The following NEBL variants were observed in gnomAD, a reference collection of about 807,000 sequenced individuals.
The protein encoded by NEBL is LIM and SH3 protein 2.
NEBL carries 122 observed loss-of-function variants against 140.2 expected under a neutral mutation model. The ratio of observed to expected loss-of-function variants is 0.87; its 90% CI spans 0.75 to 1.01. The LOEUF is 1.01. Among genes scored for constraint, NEBL ranks in the 50% least tolerant of loss-of-function variants. The pLI is 0.00. For synonymous variants in NEBL, 436 were observed against 398.9 expected (o/e 1.09, Z -1.11); for missense variants, 1,365 against 1,231.3 (o/e 1.11, Z -1.62).
At chr10:21,104,409 A>C (rs918751238) in intron 2 of NEBL, among the ~76,000 whole-genome samples, 1 of 152,172 alleles carries the variant, frequency 6.6e-6, no homozygotes, top group Non-Finnish European at 1.5e-5. Flanking sequence ...TAATTTTTCC[A>C]GCAACATTTT....
intron 2 of NEBL, among the ~76,000 whole-genome samples, chr10:21,155,231 T>C (rs1840295237): frequency 6.6e-6 from 1 of 152,194 alleles, no homozygotes; most frequent in Admixed American, 6.5e-5. Context: ...AATCACATCA[T>C]GGAAAATGGG....
intron 26 of NEBL, among the ~76,000 whole-genome samples, chr10:20,789,740 C>T (rs542010475): frequency 6.1e-4 from 92 of 152,018 alleles, no homozygotes; most frequent in Non-Finnish European, 1.1e-3. Flanking sequence ...GTGATCCCAC[C>T]TACTTGGAAG....
intron 2 of NEBL, among the ~76,000 whole-genome samples, chr10:21,021,236 ATTT>A (rs1838778264): frequency 1.3e-5 from 2 of 152,106 alleles, no homozygotes; most frequent in African/African-American, 4.8e-5. Flanking sequence ...TCTTGACTCC[ATTT>A]TTTAATTGTC....
chr10:21,036,667 C>A (rs1834027945), intron 2 of NEBL, among the ~76,000 whole-genome samples: 1 of 151,978 alleles, frequency 6.6e-6, no homozygotes. Flanking sequence ...CTACTCAGGT[C>A]CTTTGCACCC....
chr10:20,814,039 T>A lies in NEBL; in HGVS notation c.2246A>T (p.Lys749Ile). The A allele has an allele frequency of 6.3e-7, 1 of 1,577,076 alleles. No individual in the cohort carries two copies. Among genetic ancestry groups the A allele is most frequent in the Non-Finnish European group, 8.7e-7 (1 of 1,146,508 alleles). The change falls in exon 23 of 28, where the codon AAA becomes ATA. Residue 749 changes from lysine to isoleucine, a missense_variant. Physicochemically the swap from Lys to Ile is moderately radical, Grantham distance 102. Coordinates refer to ENST00000377122, the MANE Select transcript of NEBL (RefSeq NM_006393.3). ...KKNQENISSV[K>I]YTQDHKQMKG... ...CATCTGTTTATGGTCCTGGGTATAT[T>A]TTACCTGCAAAGTAAATAGTAGGCA... is the stretch of plus-strand genomic sequence containing the variant.
In NEBL at chr10:21,173,973, G is replaced by C; in HGVS notation, c.-140C>G. On this transcript the variant is annotated 5_prime_UTR_variant, in exon 1 of 7. Coordinates refer to the NEBL transcript ENST00000417816. The surrounding 1 kb of genome is among the most constrained non-coding windows in gnomAD (Gnocchi z 5.7). Reference sequence around the variant, plus strand: ...GGGCGCCGGGTAGGGAGTCGGCGCCGGGCCACGGGTGAGTGCACGGGGAGG... The same window carrying C: ...GGGCGCCGGGTAGGGAGTCGGCGCCCGGCCACGGGTGAGTGCACGGGGAGG... 1.5e-6 allele frequency: 2 copies of C among 1,347,566 alleles called. No homozygotes were observed. The highest frequency in any genetic ancestry group is 1.9e-6 in the Non-Finnish European group (2 of 1,058,810). The allele number at this position is 1,347,566 out of a possible 1,614,324, so 83.5% of individuals were successfully genotyped here.
At chr10:21,182,371 G>A (rs1589318828) in intron 3 of NEBL, among the ~76,000 whole-genome samples, 1 of 152,142 alleles carries the variant, frequency 6.6e-6, no homozygotes, top group Non-Finnish European at 1.5e-5. Context: ...AGCTACTCAG[G>A]AGGCTACGGA....
At chr10:20,786,010 A>C in intron 27 of NEBL, 87 bp from the exon 28 acceptor site, 1 of 1,255,142 alleles carries the variant, frequency 8.0e-7, no homozygotes, top group Non-Finnish European at 1.2e-6. Context: ...CCACACATAA[A>C]GTAACTATTA....
chr10:21,170,812 T>C (rs939214827), intron 2 of NEBL: 3 of 152,348 alleles, frequency 2.0e-5, no homozygotes, highest in African/African-American at 4.8e-5. Flanking sequence ...GTATGAGTGA[T>C]TCCATTTGCT....
intron 2 of NEBL, chr10:21,028,918 T>G (rs1833655380): frequency 2.2e-6 from 1 of 455,048 alleles, no homozygotes; most frequent in Non-Finnish European, 3.9e-6. Flanking sequence ...TGTCATATTT[T>G]TAAATTCCAC....
intron 2 of NEBL, chr10:21,171,828 C>G (rs143421393): frequency 6.1e-6 from 1 of 163,618 alleles, no homozygotes; most frequent in East Asian, 1.7e-4. Flanking sequence ...CTACTTCAGT[C>G]GGTCTACTAC....
chr10:20,790,726 T>C (rs1325549032), intron 26 of NEBL, among the ~76,000 whole-genome samples: 3 of 152,214 alleles, frequency 2.0e-5, no homozygotes, highest in Non-Finnish European at 2.9e-5. Context: ...TTTTCTATTG[T>C]TATGCTACAG....
rs751736416 is a variant in NEBL at position 20,858,254 on chromosome 10, TG to T, written c.888del (p.Ser296ArgfsTer42). Reference sequence around the variant, plus strand: ...GAACCACTTACGCCGCTGAGCATTTTGCTGGCTTTCAAAACATGGTCTAAAA... The same window carrying T: ...GAACCACTTACGCCGCTGAGCATTTTCTGGCTTTCAAAACATGGTCTAAAA... ...LLFLDHVLKA[S>X]KMLSGREYKK... On this transcript the variant is annotated frameshift_variant, in exon 9 of 28. Transcript: ENST00000377122. LOFTEE classifies it high-confidence loss of function. 2.1e-5 allele frequency: 34 copies of T among 1,605,788 alleles called. No homozygotes were observed. The highest frequency in any genetic ancestry group is 2.9e-5 in the Non-Finnish European group (34 of 1,172,412).
chr10:21,141,372 C>T (rs370760345), intron 2 of NEBL, among the ~76,000 whole-genome samples: 1 of 152,086 alleles, frequency 6.6e-6, no homozygotes. Context: ...ATCTTATCTG[C>T]ACTTACCTCA....
At chr10:20,827,555 T>C (rs774210038) in intron 17 of NEBL, among the ~76,000 whole-genome samples, 5 of 152,230 alleles carry the variant, frequency 3.3e-5, no homozygotes, top group African/African-American at 1.2e-4. Context: ...ATTAGTTGTA[T>C]GGTCAATTTT....
chr10:20,936,026 A>G (rs957345725), intron 4 of NEBL, among the ~76,000 whole-genome samples: 1 of 152,240 alleles, frequency 6.6e-6, no homozygotes, highest in Non-Finnish European at 1.5e-5. Context: ...GCAAATGGCA[A>G]TAAATTTGAA....
chr10:20,794,613 C>T (rs1302760969), intron 26 of NEBL, among the ~76,000 whole-genome samples: 1 of 152,142 alleles, frequency 6.6e-6, no homozygotes, highest in Non-Finnish European at 1.5e-5. Flanking sequence ...TAAGAAAATG[C>T]AACCTACATA....
Position 20,834,822 on chromosome 10 carries a change from A to C in NEBL, c.1449+691T>G, listed in dbSNP as rs181737212. Reference sequence around the variant, plus strand: ...TTCTGGGGAAGTTCAAGAGGTGTAGAGAAAGTTCTAGGGTATTTCCTTTGA... The same window carrying C: ...TTCTGGGGAAGTTCAAGAGGTGTAGCGAAAGTTCTAGGGTATTTCCTTTGA... On this transcript the variant is annotated intron_variant, in intron 14 of 27. Coordinates refer to ENST00000377122, the MANE Select transcript of NEBL (RefSeq NM_006393.3). Among the ~76,000 whole-genome samples, 373 of 152,336 alleles carry C rather than the reference A, an allele frequency of 2.4e-3. 9 individuals are homozygous for C. The highest frequency in any genetic ancestry group is 3.8e-4 in the Non-Finnish European group (26 of 68,022).
intron 8 of NEBL, among the ~76,000 whole-genome samples, chr10:20,859,085 A>G (rs1282008067): frequency 6.6e-6 from 1 of 152,146 alleles, no homozygotes; most frequent in Non-Finnish European, 1.5e-5. Flanking sequence ...TAATTTTTAT[A>G]CTTGAGAAGG....
Sources: gnomAD v4.1 joint callset for allele counts (sites outside exome capture counted in the v4.1 genomes callset) on GRCh38, gnomAD v4.1.1 for gene constraint, Gnocchi (gnomAD v3.1) non-coding constraint, MANE v1.5 for transcripts, NCBI Gene and HGNC (gene_info 2026-07-23, HGNC 2026-07-21) for gene names.